TMEM26: variants seen among roughly 807,000 people sequenced by gnomAD.
TMEM26 encodes the protein transmembrane protein 26.
Under a neutral mutation model 28.8 loss-of-function variants are expected in TMEM26, and 38 were observed. That is an observed-to-expected ratio of 1.32 (90% CI 1.02 to 1.73). The LOEUF (loss-of-function observed/expected upper bound fraction) is 1.73. TMEM26 is among the 40% of genes most tolerant of loss of function. The pLI is 0.00. For synonymous variants in TMEM26, 227 were observed against 182.9 expected (o/e 1.24, Z -1.95); for missense variants, 518 against 447.1 (o/e 1.16, Z -1.43).
At position 61,410,241 on chromosome 10, in the gene TMEM26, A is replaced by G; in HGVS notation, c.*81T>C. On this transcript the variant is annotated 3_prime_UTR_variant, in exon 6 of 6. Coordinates refer to ENST00000399298, the MANE Select transcript of TMEM26 (RefSeq NM_178505.8). ...TTCTTTTGAAAATTATTATACGCCA[A>G]GGTTGGAGGAGAAAAAGGATCCTCC... is the stretch of plus-strand genomic sequence containing the variant. 7.2e-7 allele frequency: 1 copy of G among 1,394,494 alleles called. No individual in the cohort carries two copies. The highest frequency in any genetic ancestry group is 1.4e-5 in the South Asian group (1 of 70,834). 86.4% of individuals were successfully genotyped at this position (1,394,494 alleles called of 1,614,324 possible). A position where few individuals can be genotyped will look rare whatever the true frequency, so the allele number is the denominator to read the frequency against.
At chr10:61,426,877 G>A (rs1839842039) in intron 4 of TMEM26, among the ~76,000 whole-genome samples, 1 of 152,028 alleles carries the variant, frequency 6.6e-6, no homozygotes, top group Non-Finnish European at 1.5e-5. Flanking sequence ...TATTCTTGCA[G>A]TATAGGCGAG....
In TMEM26 at chr10:61,410,614, C is replaced by G; in HGVS notation, c.815G>C (p.Arg272Pro). 2 of 1,614,058 alleles carry G rather than the reference C, an allele frequency of 1.2e-6. No individual in the cohort carries two copies. The highest frequency in any genetic ancestry group is 8.5e-7 in the Non-Finnish European group (1 of 1,180,018). ...FIQDGPFLVV[R>P]LILMTYFKVI... ...TTTGAAATAGGTCATCAGTATGAGA[C>G]GCACGACAAGGAAGGGGCCATCTTG... The change falls in exon 6 of 6, where the codon CGT becomes CCT. Residue 272 changes from arginine to proline, a missense_variant. Arg to Pro is a moderately radical substitution (Grantham distance 103). Coordinates refer to ENST00000399298, the MANE Select transcript of TMEM26 (RefSeq NM_178505.8).
At position 61,410,678 on chromosome 10, in the gene TMEM26, T is replaced by A; in HGVS notation, c.751A>T (p.Ser251Cys). The A allele has an allele frequency of 6.2e-7, 1 of 1,614,126 alleles. No homozygotes were observed. Among genetic ancestry groups the A allele is most frequent in the Non-Finnish European group, 8.5e-7 (1 of 1,180,028 alleles). Reference sequence around the variant, plus strand: ...ATTCCGATGTTCCACAGATCGGCACTGTACTGGCAAAAGAACAGGCTGGGG... The same window carrying A: ...ATTCCGATGTTCCACAGATCGGCACAGTACTGGCAAAAGAACAGGCTGGGG... Reference protein sequence around the residue: ...GFPSLFFCQYSADLWNIGISV... With the variant: ...GFPSLFFCQYCADLWNIGISV... Residue 251 changes from serine (S) to cysteine (C), a missense_variant, in exon 6 of 6, where the codon AGT (serine) becomes TGT (cysteine). Physicochemically the swap from Ser to Cys is moderately radical, Grantham distance 112. Coordinates refer to ENST00000399298, the MANE Select transcript of TMEM26 (RefSeq NM_178505.8).
At chr10:61,420,151 C>T (rs750690719) in intron 4 of TMEM26, among the ~76,000 whole-genome samples, 1 of 152,060 alleles carries the variant, frequency 6.6e-6, no homozygotes, top group Non-Finnish European at 1.5e-5. Context: ...GTATTACACA[C>T]TTTATTTTTA....
intron 2 of TMEM26, among the ~76,000 whole-genome samples, chr10:61,431,899 T>A (rs775138935): frequency 6.6e-6 from 1 of 151,938 alleles, no homozygotes; most frequent in Non-Finnish European, 1.5e-5. Flanking sequence ...CCCTCTCAAG[T>A]AGTCTCTGGT....
chr10:61,429,661 G>A (rs139042446), intron 3 of TMEM26, among the ~76,000 whole-genome samples: 23 of 151,700 alleles, frequency 1.5e-4, no homozygotes, highest in Middle Eastern at 3.4e-3. Context: ...AATGTTTATC[G>A]ATTACCTAAA....
intron 1 of TMEM26, among the ~76,000 whole-genome samples, chr10:61,438,648 G>GT: frequency 6.6e-6 from 1 of 152,246 alleles, no homozygotes; most frequent in East Asian, 1.9e-4. Flanking sequence ...GTACTATCCT[G>GT]TTTCAACGTA....
intron 1 of TMEM26, among the ~76,000 whole-genome samples, chr10:61,443,807 A>G (rs967436578): frequency 6.6e-6 from 1 of 152,206 alleles, no homozygotes; most frequent in African/African-American, 2.4e-5. Flanking sequence ...GAGTAGGCCT[A>G]AAGCAAGCAC....
At chr10:61,429,282 G>A in intron 3 of TMEM26, 136 bp from the exon 4 acceptor site, 2 of 697,118 alleles carry the variant, frequency 2.9e-6, no homozygotes, top group South Asian at 1.9e-5. Context: ...ACTTACTAAA[G>A]AAAGTAAAAT....
rs1839523046 is a variant in TMEM26, at chr10:61,408,469, A to C, written c.*1853T>G. 6.6e-6 allele frequency: 1 copy of C among 152,254 alleles called. No individual in the cohort carries two copies. Among genetic ancestry groups the C allele is most frequent in the Admixed American group, 6.5e-5 (1 of 15,286 alleles). 9.4% of individuals were successfully genotyped at this position (152,254 alleles called of 1,614,324 possible). A position where few individuals can be genotyped will look rare whatever the true frequency, so the allele number is the denominator to read the frequency against. On this transcript the variant is annotated 3_prime_UTR_variant, in exon 6 of 6. Coordinates refer to ENST00000399298, the MANE Select transcript of TMEM26 (RefSeq NM_178505.8). The stretch of plus-strand genomic sequence containing the variant: ...TTTGCTGGAAGAAAAAAATTAAAAC[A>C]TGAAAAGTATGCCATGAGCAAATCT...
At chr10:61,422,921 A>G (rs1224537748) in intron 4 of TMEM26, among the ~76,000 whole-genome samples, 1 of 152,122 alleles carries the variant, frequency 6.6e-6, no homozygotes, top group Non-Finnish European at 1.5e-5. Context: ...AATAAACCTG[A>G]TCAAACCAAA....
intron 4 of TMEM26, among the ~76,000 whole-genome samples, chr10:61,420,193 A>G (rs913212187): frequency 6.6e-6 from 1 of 152,192 alleles, no homozygotes; most frequent in Non-Finnish European, 1.5e-5. Context: ...AGAAAATGTT[A>G]TTTAGAAAAT....
rs1564487326 is a variant in TMEM26, at chr10:61,452,897, T to TACTTGAGGGTG, written c.184_185insCACCCTCAAGT (p.Tyr62SerfsTer16). 1 of 1,612,922 alleles carries TACTTGAGGGTG rather than the reference T, an allele frequency of 6.2e-7. No homozygotes were observed. Among genetic ancestry groups the TACTTGAGGGTG allele is most frequent in the African/African-American group, 1.3e-5 (1 of 75,014 alleles). On this transcript the variant is annotated frameshift_variant, in exon 1 of 6. Transcript: ENST00000399298. LOFTEE classifies it high-confidence loss of function. The stretch of plus-strand genomic sequence containing the variant: ...TTTCCCGGGGCACTCTCACCATTTG[T>TACTTGAGGGTG]AGCCTCTGCCGCGCTTGAACTTGAG...
chr10:61,436,753 C>A (rs1310894470), intron 1 of TMEM26, among the ~76,000 whole-genome samples: 1 of 152,078 alleles, frequency 6.6e-6, no homozygotes, highest in African/African-American at 2.4e-5. Flanking sequence ...TGAGAGTAAC[C>A]CATTGGCTTT....
At chr10:61,412,254 G>A (rs1054684017) in intron 5 of TMEM26, among the ~76,000 whole-genome samples, 1 of 152,102 alleles carries the variant, frequency 6.6e-6, no homozygotes, top group South Asian at 2.1e-4. Flanking sequence ...AAATCTGTGT[G>A]TGTGTGTGTG....
At chr10:61,424,534 A>AT (rs1441573247) in intron 4 of TMEM26, among the ~76,000 whole-genome samples, 1 of 152,160 alleles carries the variant, frequency 6.6e-6, no homozygotes, top group Non-Finnish European at 1.5e-5. Flanking sequence ...ATAGTAAGTT[A>AT]TTTTTTTAAT....
Position 61,412,513 on chromosome 10 carries a change from C to A in TMEM26, c.682+946G>T, listed in dbSNP as rs545611919. 3.5e-4 allele frequency among the ~76,000 whole-genome samples: 54 copies of A among 152,164 alleles called. 1 individual carries two copies. The highest frequency in any genetic ancestry group is 1.3e-3 in the African/African-American group (53 of 41,538). On this transcript the variant is annotated intron_variant, in intron 5 of 5. Coordinates refer to ENST00000399298, the MANE Select transcript of TMEM26 (RefSeq NM_178505.8). ...TGGCAATTAAGGTGTAATAAATAAA[C>A]AAGTCAGGCTAAGGAAAACATAATT... is the stretch of plus-strand genomic sequence containing the variant.
intron 2 of TMEM26, among the ~76,000 whole-genome samples, chr10:61,434,021 G>A (rs1418434616): frequency 6.6e-6 from 1 of 152,116 alleles, no homozygotes; most frequent in Non-Finnish European, 1.5e-5. Context: ...TGAAAGTGCA[G>A]GAGACTACCT....
At chr10:61,419,839 T>C (rs1395392800) in intron 4 of TMEM26, among the ~76,000 whole-genome samples, 2 of 151,630 alleles carry the variant, frequency 1.3e-5, no homozygotes, top group African/African-American at 2.4e-5. Flanking sequence ...AACAAAGCCC[T>C]AGAATAAGTA....
Sources: allele counts gnomAD v4.1 joint callset (sites outside exome capture counted in the v4.1 genomes callset), GRCh38; gene constraint gnomAD v4.1.1; transcripts MANE v1.5; gene names NCBI Gene and HGNC (gene_info 2026-07-23, HGNC 2026-07-21).